The following ZFPM2 variants were observed in gnomAD, a reference collection of about 807,000 sequenced individuals.
ZFPM2 encodes zinc finger protein ZFPM2.
A neutral mutation model predicts 98.6 loss-of-function variants in ZFPM2; 20 were observed. The observed-to-expected ratio is 0.20, with a 90% CI of 0.14 to 0.29. The LOEUF (loss-of-function observed/expected upper bound fraction) is 0.29, where lower values mean the gene tolerates loss of function less well. ZFPM2 is among the 10% of genes least tolerant of loss of function. The pLI is 1.00. For synonymous variants in ZFPM2, 518 were observed against 502.7 expected (o/e 1.03, Z -0.41); for missense variants, 1,310 against 1,388.6 (o/e 0.94, Z 0.90).
intron 5 of ZFPM2, among the ~76,000 whole-genome samples, chr8:105,758,456 C>A (rs1268453162): frequency 6.6e-6 from 1 of 151,974 alleles, no homozygotes; most frequent in Non-Finnish European, 1.5e-5. Flanking sequence ...CAAGTTAATC[C>A]AAATTTAATT....
intron 1 of ZFPM2, among the ~76,000 whole-genome samples, chr8:105,386,568 C>T (rs1030670339): frequency 4.6e-5 from 7 of 152,072 alleles, no homozygotes; most frequent in African/African-American, 1.4e-4. Flanking sequence ...AGCTGCAGAC[C>T]TTTTCGGTGA....
intron 1 of ZFPM2, among the ~76,000 whole-genome samples, chr8:105,413,675 A>G (rs947287975): frequency 2.0e-5 from 3 of 151,798 alleles, no homozygotes; most frequent in Admixed American, 1.3e-4. Context: ...TCAAAAGAGC[A>G]TAAAACAGGA....
At chr8:105,631,164 AT>A (rs577028334) in intron 4 of ZFPM2, among the ~76,000 whole-genome samples, 66 of 152,182 alleles carry the variant, frequency 4.3e-4, no homozygotes, top group Non-Finnish European at 7.9e-4. Flanking sequence ...AGTAGCCTAA[AT>A]AGTAGTACCC....
rs569211019 is a variant in ZFPM2, at chr8:105,673,021, T to G, written c.532+38664T>G. Among the ~76,000 whole-genome samples the G allele has an allele frequency of 2.0e-5, 3 of 150,592 alleles. No individual in the cohort carries two copies. In the East Asian group the frequency reaches 5.8e-4, roughly 29 times the overall value. On this transcript the variant is annotated intron_variant, in intron 5 of 7. Transcript: ENST00000407775. ...GAAACGCTTTACTTGGAATGAAACCTTGCCTGTTAGTCCTAGATTTATTAT... is the reference window on the plus strand; with the variant it reads ...GAAACGCTTTACTTGGAATGAAACCGTGCCTGTTAGTCCTAGATTTATTAT...
chr8:105,556,773 A>T (rs1815004512), intron 3 of ZFPM2, among the ~76,000 whole-genome samples: 1 of 134,182 alleles, frequency 7.5e-6, no homozygotes, highest in Non-Finnish European at 1.5e-5. Flanking sequence ...CCCAGGCTGG[A>T]GTGCAGTGGT....
chr8:105,513,476 C>T (rs1273041033), intron 3 of ZFPM2, among the ~76,000 whole-genome samples: 1 of 152,164 alleles, frequency 6.6e-6, no homozygotes, highest in Non-Finnish European at 1.5e-5. Context: ...TACATCATCA[C>T]GTCAGTAGTT....
At chr8:105,496,564 T>C (rs1267585706) in intron 3 of ZFPM2, among the ~76,000 whole-genome samples, 1 of 152,160 alleles carries the variant, frequency 6.6e-6, no homozygotes, top group Non-Finnish European at 1.5e-5. Flanking sequence ...TAGATCTTAT[T>C]CTGGTGAGGT....
intron 1 of ZFPM2, among the ~76,000 whole-genome samples, chr8:105,364,059 A>G (rs1199874699): frequency 6.6e-6 from 1 of 152,086 alleles, no homozygotes; most frequent in Non-Finnish European, 1.5e-5. Context: ...ATCAGCCTCA[A>G]TTCCTATATA....
rs781089390 is a variant in ZFPM2 at position 105,788,918 on chromosome 8, G to T, written c.733G>T (p.Val245Phe). 1 of 1,613,254 alleles carries T rather than the reference G, an allele frequency of 6.2e-7. No individual in the cohort carries two copies. Among genetic ancestry groups the T allele is most frequent in the Non-Finnish European group, 8.5e-7 (1 of 1,179,512 alleles). ...GGCTTCTATTTTGCCCACAGCTATT[G>T]TCAATAGTAAGTGCTCAGTGCTGTG... ...AMASILPTAI[V>F]NKDIFPCKSC... Residue 245 changes from valine to phenylalanine, a missense_variant, in exon 6 of 8, where the codon GTC (valine) becomes TTC (phenylalanine). Transcript: ENST00000407775.
chr8:105,329,790 G>T (rs191494571), intron 1 of ZFPM2, among the ~76,000 whole-genome samples: 8 of 151,738 alleles, frequency 5.3e-5, no homozygotes, highest in African/African-American at 1.9e-4. Flanking sequence ...TGGCACAATG[G>T]GAGAACTTTG....
At chr8:105,330,570 A>ATATATATATACATATG (rs1812200464) in intron 1 of ZFPM2, among the ~76,000 whole-genome samples, 1 of 105,266 alleles carries the variant, frequency 9.5e-6, no homozygotes, top group Non-Finnish European at 1.9e-5. Flanking sequence ...ATATATATAC[A>ATATATATATACATATG]TATATATATA....
At chr8:105,637,207 T>C (rs535998079) in intron 5 of ZFPM2, among the ~76,000 whole-genome samples, 2 of 152,314 alleles carry the variant, frequency 1.3e-5, no homozygotes, top group East Asian at 3.9e-4. Flanking sequence ...ATCTACGTCT[T>C]GACAGCTCCA....
chr8:105,533,686 C>T (rs1220844151), intron 3 of ZFPM2, among the ~76,000 whole-genome samples: 2 of 138,414 alleles, frequency 1.4e-5, no homozygotes, highest in Non-Finnish European at 3.2e-5. Flanking sequence ...TCCTTCCCTC[C>T]GTCCTTCCCT....
intron 3 of ZFPM2, among the ~76,000 whole-genome samples, chr8:105,484,410 A>G (rs1167491377): frequency 6.6e-6 from 1 of 152,064 alleles, no homozygotes; most frequent in Non-Finnish European, 1.5e-5. Context: ...ATTTTATTTC[A>G]TATTTTCTAA....
chr8:105,490,720 G>C (rs1159515566), intron 3 of ZFPM2, among the ~76,000 whole-genome samples: 2 of 152,142 alleles, frequency 1.3e-5, no homozygotes, highest in Non-Finnish European at 2.9e-5. Context: ...TTGTAAGTAG[G>C]AAGTATAGAG....
intron 1 of ZFPM2, among the ~76,000 whole-genome samples, chr8:105,335,551 A>G (rs1209246050): frequency 6.6e-6 from 1 of 151,788 alleles, no homozygotes; most frequent in Non-Finnish European, 1.5e-5. Flanking sequence ...CTAAAGACCC[A>G]AAGAAGTAAA....
chr8:105,354,616 A>G (rs1169414832), intron 1 of ZFPM2, among the ~76,000 whole-genome samples: 1 of 152,208 alleles, frequency 6.6e-6, no homozygotes, highest in Non-Finnish European at 1.5e-5. Flanking sequence ...CTACTCTTCC[A>G]TTCCTTAATT....
chr8:105,493,553 C>T (rs1281260093), intron 3 of ZFPM2, among the ~76,000 whole-genome samples: 4 of 152,144 alleles, frequency 2.6e-5, no homozygotes, highest in African/African-American at 4.8e-5. Context: ...TGACATCATC[C>T]GGTTGTGACA....
intron 5 of ZFPM2, among the ~76,000 whole-genome samples, chr8:105,649,659 T>C (rs1244650923): frequency 1.3e-5 from 2 of 152,212 alleles, no homozygotes; most frequent in South Asian, 4.1e-4. Flanking sequence ...TTGTCTTTGC[T>C]TCTGTTTATA....
Sources: allele counts gnomAD v4.1 joint callset (sites outside exome capture counted in the v4.1 genomes callset), GRCh38; gene constraint gnomAD v4.1.1; transcripts MANE v1.5; gene names NCBI Gene and HGNC (gene_info 2026-07-23, HGNC 2026-07-21).